Variants in TXNIP observed in about 807,000 individuals in gnomAD.
The protein encoded by TXNIP is thioredoxin-interacting protein.
Under a neutral mutation model 43.9 loss-of-function variants are expected in TXNIP, and 23 were observed. The ratio of observed to expected loss-of-function variants is 0.52; its 90% CI spans 0.38 to 0.74. TXNIP has a LOEUF of 0.74. Ranked by LOEUF, TXNIP falls within the 30% of genes least tolerant of loss-of-function variation. TXNIP has a pLI of 0.00. For missense variants in TXNIP, 555 were observed against 485.4 expected (o/e 1.14, Z -1.35); for synonymous variants, 234 against 172.2 (o/e 1.36, Z -2.81).
chr1:145,995,054 G>A, intron 3 of TXNIP, 23 bp from the exon 4 acceptor site: 4 of 1,613,660 alleles, frequency 2.5e-6, no homozygotes, highest in Non-Finnish European at 3.4e-6. Context: ...GGATAAAAAG[G>A]TGTTTTGAGA....
chr1:145,994,769 C>T lies in TXNIP; in HGVS notation c.606G>A (p.Glu202=). 1 of 1,614,184 alleles carries T rather than the reference C, an allele frequency of 6.2e-7. No individual in the cohort carries two copies. The highest frequency in any genetic ancestry group is 8.5e-7 in the Non-Finnish European group (1 of 1,180,036). Residue 202 remains glutamate (E), a synonymous_variant, in exon 5 of 8, where the codon GAG becomes GAA. Transcript: ENST00000582401. ...GGACCACAATTCGGGAACATGTATTCTCAAAGTCAGCATGGATGGAAATCT... is the reference window on the plus strand; with the variant it reads ...GGACCACAATTCGGGAACATGTATTTTCAAAGTCAGCATGGATGGAAATCT... ...GDEISIHADF[E]NTCSRIVVPK...
chr1:145,993,773 G>A lies in TXNIP; in HGVS notation c.*78C>T, dbSNP rs1651296043. 3.2e-6 allele frequency: 5 copies of A among 1,547,250 alleles called. No individual in the cohort carries two copies. Among genetic ancestry groups the A allele is most frequent in the Non-Finnish European group, 4.4e-6 (5 of 1,126,226 alleles). On this transcript the variant is annotated 3_prime_UTR_variant, in exon 8 of 8. Coordinates refer to ENST00000582401, the MANE Select transcript of TXNIP (RefSeq NM_006472.6). ...CACACTCCATTGCAGAGACTGTTGA[G>A]TCTCTGAAAAAGTGAGTGTCCAGGA... is the stretch of plus-strand genomic sequence containing the variant.
At position 145,994,963 on chromosome 1, in the gene TXNIP, G is replaced by C; in HGVS notation, c.540C>G (p.Val180=). The change falls in exon 4 of 8, where the codon GTC becomes GTG. Residue 180 remains valine (V), a synonymous_variant. Coordinates refer to ENST00000582401, the MANE Select transcript of TXNIP (RefSeq NM_006472.6). ...ATCCTTTTCTGTCAATTCGAGCAGA[G>C]ACAGACACCCGCCCATCAGGAATGA... The part of the protein sequence containing the change: ...CMFIPDGRVS[V]SARIDRKGFC... 3 of 1,614,180 alleles carry C rather than the reference G, an allele frequency of 1.9e-6. No homozygotes were observed. Among genetic ancestry groups the C allele is most frequent in the African/African-American group, 1.3e-5 (1 of 75,044 alleles).
rs782125277 is a variant in TXNIP at position 145,994,305 on chromosome 1, G to C, written c.964C>G (p.Leu322Val). Residue 322 changes from leucine to valine, a missense_variant, in exon 6 of 8, where the codon CTG becomes GTG. Transcript: ENST00000582401. Reference protein sequence around the residue: ...RTSSEMSWVDLNIPDTPEAPP... With the variant: ...RTSSEMSWVDVNIPDTPEAPP... ...CCTTCTGGGGTATCAGGGATGTTCA[G>C]ATCTACCCAACTCATCTCAGAGCTG... The C allele has an allele frequency of 1.9e-6, 3 of 1,614,192 alleles. No individual in the cohort carries two copies. Among genetic ancestry groups the C allele is most frequent in the East Asian group, 2.2e-5 (1 of 44,886 alleles).
In TXNIP at chr1:145,993,734, G is replaced by C. The variant is rs1260570451; in HGVS notation, c.*117C>G. ...CCACCTCCTACATTAGGAAGTCAGA[G>C]GCTAAGGTGGACCCACACTCCATTG... On this transcript the variant is annotated 3_prime_UTR_variant, in exon 8 of 8. Transcript: ENST00000582401. 1 of 1,229,542 alleles carries C rather than the reference G, an allele frequency of 8.1e-7. No homozygotes were observed. Among genetic ancestry groups the C allele is most frequent in the Non-Finnish European group, 1.1e-6 (1 of 871,360 alleles). The allele number at this position is 1,229,542 out of a possible 1,614,324, so 76.2% of individuals were successfully genotyped here. A position where few individuals can be genotyped will look rare whatever the true frequency, so the allele number is the denominator to read the frequency against.
intron 1 of TXNIP, 142 bp from the exon 2 acceptor site, chr1:145,995,618 C>T: frequency 2.5e-6 from 2 of 790,060 alleles, no homozygotes; most frequent in Non-Finnish European, 4.2e-6. Flanking sequence ...TAATCCATCC[C>T]ATATTGTTCT....
In TXNIP at chr1:145,995,307, G is replaced by A. The variant is rs587693809; in HGVS notation, c.324-16C>T. ...TCCCAGAGGCCTGTGTCAAGAAAATGAAAATTTTAAAACGCTCTCCAAGAA... is the reference window on the plus strand; with the variant it reads ...TCCCAGAGGCCTGTGTCAAGAAAATAAAAATTTTAAAACGCTCTCCAAGAA... On this transcript the variant is annotated splice_polypyrimidine_tract_variant and intron_variant, in intron 2 of 7. Transcript: ENST00000582401. 2 of 1,610,290 alleles carry A rather than the reference G, an allele frequency of 1.2e-6. No individual in the cohort carries two copies. Among genetic ancestry groups the A allele is most frequent in the African/African-American group, 1.3e-5 (1 of 74,796 alleles).
In TXNIP at chr1:145,993,859, C is replaced by T. The variant is rs1553765784; in HGVS notation, c.1168G>A (p.Val390Met). 6.2e-7 allele frequency: 1 copy of T among 1,614,054 alleles called. No homozygotes were observed. Among genetic ancestry groups the T allele is most frequent in the Non-Finnish European group, 8.5e-7 (1 of 1,180,026 alleles). ...TCTTTTCTTCCACATGCTCACTGCA[C>T]ATTGTTGTTGAGGATGCAGGGATCC... Reference protein sequence around the residue: ...EVDPCILNNNVQ With the variant: ...EVDPCILNNNMQ The change falls in exon 8 of 8, where the codon GTG becomes ATG. Residue 390 changes from valine (V) to methionine (M), a missense_variant. Coordinates refer to ENST00000582401, the MANE Select transcript of TXNIP (RefSeq NM_006472.6).
chr1:145,995,364 T>TA, intron 2 of TXNIP, 40 bp downstream of exon 2: 1 of 1,610,294 alleles, frequency 6.2e-7, no homozygotes, highest in Non-Finnish European at 8.5e-7. Flanking sequence ...CAAGATATTT[T>TA]AGACAGAAAA....
rs1651546443 is a variant in TXNIP at position 145,996,521 on chromosome 1, G to A, written c.-255C>T. The A allele has an allele frequency of 1.1e-5, 4 of 369,702 alleles. No individual in the cohort carries two copies. The Admixed American group carries it at 1.8e-4, about 17-fold the overall frequency. The allele number at this position is 369,702 out of a possible 1,614,324, so 22.9% of individuals were successfully genotyped here. A position where few individuals can be genotyped will look rare whatever the true frequency, so the allele number is the denominator to read the frequency against. On this transcript the variant is annotated 5_prime_UTR_variant, in exon 1 of 8. Coordinates refer to ENST00000582401, the MANE Select transcript of TXNIP (RefSeq NM_006472.6). ...AGAAAAAGCCTTCTTTCCCCCAATT[G>A]CTGGAGAAAAGATCCGATCTCCACA...
Position 145,996,005 on chromosome 1 carries a change from TG to T in TXNIP, c.250+11del. 6.2e-7 allele frequency: 1 copy of T among 1,612,064 alleles called. No individual in the cohort carries two copies. Among genetic ancestry groups the T allele is most frequent in the South Asian group, 1.1e-5 (1 of 91,010 alleles). On this transcript the variant is annotated intron_variant, in intron 1 of 7. Coordinates refer to ENST00000582401, the MANE Select transcript of TXNIP (RefSeq NM_006472.6). ...CAGCTTTCACCCTCCAACAATGAAT[TG>T]GGCCGCTTACCTGTTGGCTGGTCTT...
intron 1 of TXNIP, chr1:145,995,692 T>C: frequency 1.6e-6 from 1 of 625,312 alleles, no homozygotes; most frequent in Non-Finnish European, 2.8e-6. Flanking sequence ...TACTGAAAGA[T>C]TCACCCAGGA....
In TXNIP at chr1:145,993,683, T is replaced by C; in HGVS notation, c.*168A>G. 1 of 702,228 alleles carries C rather than the reference T, an allele frequency of 1.4e-6. No individual in the cohort carries two copies. The highest frequency in any genetic ancestry group is 2.3e-6 in the Non-Finnish European group (1 of 428,200). 43.5% of individuals were successfully genotyped at this position (702,228 alleles called of 1,614,324 possible). The stretch of plus-strand genomic sequence containing the variant: ...CTGGCTGAGGATGAGTCCGCATCCT[T>C]TAAGGCCCAGGAGATTGCCTGCTGA... On this transcript the variant is annotated 3_prime_UTR_variant, in exon 8 of 8. Coordinates refer to ENST00000582401, the MANE Select transcript of TXNIP (RefSeq NM_006472.6).
chr1:145,994,649 AAT>A lies in TXNIP; in HGVS notation c.724_725del (p.Ile242TyrfsTer31). On this transcript the variant is annotated frameshift_variant, in exon 5 of 8. Coordinates refer to ENST00000582401, the MANE Select transcript of TXNIP (RefSeq NM_006472.6). LOFTEE classifies it high-confidence loss of function. Reference protein sequence around the residue: ...QKLSSVRGNHIISGTCASWRG... With the variant: ...QKLSSVRGNHXISGTCASWRG... ...GCCATGATGCGCATGTCCCTGAGATAATATGATTGCCTCTGACTGATGACAAC... is the reference window on the plus strand; with the variant it reads ...GCCATGATGCGCATGTCCCTGAGATAATGATTGCCTCTGACTGATGACAAC... 3 of 1,614,210 alleles carry A rather than the reference AAT, an allele frequency of 1.9e-6. No individual in the cohort carries two copies. The highest frequency in any genetic ancestry group is 1.1e-5 in the South Asian group (1 of 91,078).
Position 145,994,622 on chromosome 1 carries a change from A to G in TXNIP, c.753T>C (p.Arg251=), listed in dbSNP as rs1158416648. ...TCTTCTGAACCCGAAGGCTCTTGCC[A>G]CGCCATGATGCGCATGTCCCTGAGA... The part of the protein sequence containing the change: ...HIISGTCASW[R]GKSLRVQKIR... Residue 251 remains arginine, a synonymous_variant, in exon 5 of 8, where the codon CGT becomes CGC. Coordinates refer to ENST00000582401, the MANE Select transcript of TXNIP (RefSeq NM_006472.6). The G allele has an allele frequency of 1.9e-6, 3 of 1,614,072 alleles. No homozygotes were observed. Among genetic ancestry groups the G allele is most frequent in the Non-Finnish European group, 2.5e-6 (3 of 1,180,032 alleles).
Position 145,995,415 on chromosome 1 carries a change from C to T in TXNIP, c.312G>A (p.Glu104=), listed in dbSNP as rs1553766337. ...GNKYEYKFGF[E]LPQGPLGTSF... is the part of the protein sequence containing the mutation. ...TAGCTGATATTTACCCCTGAGGAAG[C>T]TCAAAGCCGAACTTGTACTCATATT... Residue 104 remains glutamate, a synonymous_variant, in exon 2 of 8, where the codon GAG becomes GAA. Coordinates refer to ENST00000582401, the MANE Select transcript of TXNIP (RefSeq NM_006472.6). 1 of 1,613,888 alleles carries T rather than the reference C, an allele frequency of 6.2e-7. No homozygotes were observed. The highest frequency in any genetic ancestry group is 1.1e-5 in the South Asian group (1 of 90,984).
At position 145,994,404 on chromosome 1, in the gene TXNIP, T is replaced by C. The variant is rs1651354135; in HGVS notation, c.865A>G (p.Ile289Val). Residue 289 changes from isoleucine (I) to valine (V), a missense_variant, in exon 6 of 8, where the codon ATC becomes GTC. Physicochemically the swap from Ile to Val is conservative, Grantham distance 29 (BLOSUM62 3). Coordinates refer to ENST00000582401, the MANE Select transcript of TXNIP (RefSeq NM_006472.6). ...YVSVPGSKKV[I>V]LDLPLVIGSR... ...CCAATTACCAGGGGCAGGTCAAGGA[T>C]GACCTTCTTGGATCCAGGAACGCTA... The C allele has an allele frequency of 6.2e-7, 1 of 1,614,066 alleles. No homozygotes were observed. Among genetic ancestry groups the C allele is most frequent in the Non-Finnish European group, 8.5e-7 (1 of 1,179,938 alleles).
rs1553766601 is a variant in TXNIP at position 145,996,195 on chromosome 1, G to A, written c.72C>T (p.Gly24=). 1.2e-6 allele frequency: 2 copies of A among 1,613,840 alleles called. No individual in the cohort carries two copies. Among genetic ancestry groups the A allele is most frequent in the Admixed American group, 1.7e-5 (1 of 59,970 alleles). The change falls in exon 1 of 8, where the codon GGC becomes GGT. Residue 24 remains glycine (G), a synonymous_variant. Transcript: ENST00000582401. The part of the protein sequence containing the change: ...FNDPEKVYGS[G]EKVAGRVIVE... Reference sequence around the variant, plus strand: ...CTATCACCCGGCCAGCCACCTTCTCGCCACTGCCGTACACCTTTTCAGGGT... The same window carrying A: ...CTATCACCCGGCCAGCCACCTTCTCACCACTGCCGTACACCTTTTCAGGGT...
rs1553766575 is a variant in TXNIP, at chr1:145,996,156, T to C, written c.111A>G (p.Glu37=). Residue 37 remains glutamate (E), a synonymous_variant, in exon 1 of 8, where the codon GAA becomes GAG. Coordinates refer to ENST00000582401, the MANE Select transcript of TXNIP (RefSeq NM_006472.6). ...TCCTAACGGCTTTGACACGAGTAACTTCACACACCTCCACTATCACCCGGC... is the reference window on the plus strand; with the variant it reads ...TCCTAACGGCTTTGACACGAGTAACCTCACACACCTCCACTATCACCCGGC... The part of the protein sequence containing the change: ...VAGRVIVEVC[E]VTRVKAVRIL... 9 of 1,614,040 alleles carry C rather than the reference T, an allele frequency of 5.6e-6. No individual in the cohort carries two copies. The highest frequency in any genetic ancestry group is 5.9e-6 in the Non-Finnish European group (7 of 1,180,002).
Sources: gnomAD v4.1 joint callset for allele counts on GRCh38, gnomAD v4.1.1 for gene constraint, MANE v1.5 for transcripts, NCBI Gene and HGNC (gene_info 2026-07-23, HGNC 2026-07-21) for gene names.